Variants in GIGYF2 observed in about 807,000 individuals in gnomAD.
The protein encoded by GIGYF2 is GRB10-interacting GYF protein 2.
Under a neutral mutation model 208.1 loss-of-function variants are expected in GIGYF2, and 25 were observed. The ratio of observed to expected loss-of-function variants is 0.12; its 90% CI spans 0.09 to 0.17. GIGYF2 has a LOEUF of 0.17. Among genes scored for constraint, GIGYF2 ranks in the 10% least tolerant of loss-of-function variants. GIGYF2 has a pLI of 1.00. For synonymous variants in GIGYF2, 534 were observed against 543.8 expected (o/e 0.98, Z 0.25); for missense variants, 1,302 against 1,579.4 (o/e 0.82, Z 2.98).
chr2:232,713,339 A>G (rs923551622), intron 2 of GIGYF2, among the ~76,000 whole-genome samples: 1 of 152,178 alleles, frequency 6.6e-6, no homozygotes. Context: ...TGGCCTCCCA[A>G]AGTGCTGGGA....
chr2:232,818,462 G>A (rs1033347648), intron 20 of GIGYF2, among the ~76,000 whole-genome samples: 4 of 152,166 alleles, frequency 2.6e-5, no homozygotes, highest in Non-Finnish European at 5.9e-5. Flanking sequence ...TGTGGTGTGA[G>A]ATGAGGGTCT....
At chr2:232,714,186 C>T (rs1007760490) in intron 2 of GIGYF2, among the ~76,000 whole-genome samples, 3 of 151,994 alleles carry the variant, frequency 2.0e-5, no homozygotes, top group Non-Finnish European at 2.9e-5. Context: ...CTCCTGACCT[C>T]GTGATCCGCC....
At chr2:232,756,816 A>G (rs1246823396) in intron 6 of GIGYF2, among the ~76,000 whole-genome samples, 2 of 152,248 alleles carry the variant, frequency 1.3e-5, no homozygotes, top group Non-Finnish European at 2.9e-5. Context: ...ATTCTGCCAC[A>G]TTCATTTATT....
chr2:232,855,547 C>T (rs1358120248), intron 28 of GIGYF2, among the ~76,000 whole-genome samples: 2 of 152,142 alleles, frequency 1.3e-5, no homozygotes, highest in Admixed American at 6.5e-5. Context: ...CTTGCTCTGT[C>T]TACTGTGGGA....
intron 8 of GIGYF2, chr2:232,782,804 T>A (rs1020217570): frequency 6.6e-6 from 1 of 152,160 alleles, no homozygotes; most frequent in African/African-American, 2.4e-5. Flanking sequence ...TAAAAAAGTT[T>A]AAAAGCAGGC....
intron 8 of GIGYF2, chr2:232,782,844 A>G (rs990856293): frequency 2.0e-5 from 3 of 152,216 alleles, no homozygotes; most frequent in Admixed American, 2.0e-4. Flanking sequence ...AGAAATTAGG[A>G]TAGTGTTTAT....
chr2:232,725,213 T>C (rs889770957), intron 2 of GIGYF2, among the ~76,000 whole-genome samples: 7 of 152,170 alleles, frequency 4.6e-5, no homozygotes, highest in African/African-American at 1.7e-4. Flanking sequence ...CTGGAAACTT[T>C]CCTGCCCAAG....
At chr2:232,715,328 A>G (rs1186773377) in intron 2 of GIGYF2, among the ~76,000 whole-genome samples, 1 of 152,178 alleles carries the variant, frequency 6.6e-6, no homozygotes, top group East Asian at 1.9e-4. Flanking sequence ...ATTTCATGGC[A>G]TAGGTAATGA....
chr2:232,794,058 C>G (rs1003538008), intron 12 of GIGYF2, among the ~76,000 whole-genome samples: 2 of 152,096 alleles, frequency 1.3e-5, no homozygotes, highest in Admixed American at 1.3e-4. Flanking sequence ...GTGAGAGGAG[C>G]AGGAATTTGG....
intron 22 of GIGYF2, 135 bp from the exon 23 acceptor site, chr2:232,839,714 A>C: frequency 1.1e-6 from 1 of 915,188 alleles, no homozygotes; most frequent in Non-Finnish European, 1.7e-6. Context: ...AGCAATGAAG[A>C]AGGAAATTTG....
chr2:232,808,285 T>C (rs993634392), intron 15 of GIGYF2, among the ~76,000 whole-genome samples: 47 of 152,208 alleles, frequency 3.1e-4, no homozygotes, highest in Non-Finnish European at 8.8e-5. Flanking sequence ...TTCTCTGAAA[T>C]TAAGATGAGT....
Position 232,806,715 on chromosome 2 carries a change from T to G in GIGYF2, c.1806+58T>G. ...TTAGTCACGGAAACACTTGATTCTC[T>G]TTGAAAACACAACCCAAATATATCA... On this transcript the variant is annotated intron_variant, in intron 15 of 28. Transcript: ENST00000373563. The surrounding 1 kb of genome is among the most constrained non-coding windows in gnomAD (Gnocchi z 4.0). 1.7e-6 allele frequency: 2 copies of G among 1,199,646 alleles called. No homozygotes were observed. The highest frequency in any genetic ancestry group is 1.2e-6 in the Non-Finnish European group (1 of 803,230). 74.3% of individuals were successfully genotyped at this position (1,199,646 alleles called of 1,614,324 possible).
intron 2 of GIGYF2, among the ~76,000 whole-genome samples, chr2:232,723,540 C>T (rs1290146253): frequency 6.7e-6 from 1 of 150,200 alleles, no homozygotes; most frequent in Non-Finnish European, 1.5e-5. Context: ...AGCGATTCTT[C>T]TGCCTCAGCC....
intron 1 of GIGYF2, among the ~76,000 whole-genome samples, chr2:232,702,601 T>TGA (rs1695904866): frequency 6.6e-6 from 1 of 152,172 alleles, no homozygotes; most frequent in Non-Finnish European, 1.5e-5. Context: ...ATACTTCAAT[T>TGA]CACTCTTGTC....
chr2:232,830,383 T>C (rs1358756725), intron 21 of GIGYF2, among the ~76,000 whole-genome samples: 1 of 152,230 alleles, frequency 6.6e-6, no homozygotes, highest in Non-Finnish European at 1.5e-5. Context: ...ACTCTGTCAT[T>C]ATAAGAAACT....
intron 2 of GIGYF2, among the ~76,000 whole-genome samples, chr2:232,719,982 A>C (rs933832641): frequency 6.6e-6 from 1 of 152,184 alleles, no homozygotes. Context: ...ATAGTTGTAC[A>C]TGTGCACAAC....
intron 21 of GIGYF2, among the ~76,000 whole-genome samples, chr2:232,830,017 T>A (rs1701378916): frequency 6.6e-6 from 1 of 152,178 alleles, no homozygotes; most frequent in Non-Finnish European, 1.5e-5. Flanking sequence ...TCCCACTCTG[T>A]CGCCCAGGCT....
intron 2 of GIGYF2, among the ~76,000 whole-genome samples, chr2:232,728,445 T>C (rs1697307210): frequency 6.6e-6 from 1 of 152,144 alleles, no homozygotes; most frequent in Non-Finnish European, 1.5e-5. Context: ...AAGAGGAATC[T>C]TGAAGAAGTA....
chr2:232,802,321 C>T (rs1161813795), intron 14 of GIGYF2, among the ~76,000 whole-genome samples: 2 of 151,826 alleles, frequency 1.3e-5, no homozygotes, highest in Non-Finnish European at 2.9e-5. Context: ...GGGCGTCCTT[C>T]GCTATCTCCT....
Sources: gnomAD v4.1 joint callset for allele counts (sites outside exome capture counted in the v4.1 genomes callset) on GRCh38, gnomAD v4.1.1 for gene constraint, Gnocchi (gnomAD v3.1) non-coding constraint, MANE v1.5 for transcripts, NCBI Gene and HGNC (gene_info 2026-07-23, HGNC 2026-07-21) for gene names.